The following ST3GAL3 variants were observed in gnomAD, a reference collection of about 807,000 sequenced individuals.
ST3GAL3 encodes the protein CMP-N-acetylneuraminate-beta-1,4-galactoside alpha-2,3-sialyltransferase.
ST3GAL3 carries 21 observed loss-of-function variants against 50.1 expected under a neutral mutation model. The observed-to-expected ratio is 0.42, with a 90% CI of 0.30 to 0.60. The LOEUF (loss-of-function observed/expected upper bound fraction) is 0.60, where lower values mean the gene tolerates loss of function less well. Among genes scored for constraint, ST3GAL3 ranks in the 20% least tolerant of loss-of-function variants. ST3GAL3 has a pLI of 0.19. For missense variants in ST3GAL3, 353 were observed against 489.4 expected, an observed-to-expected ratio of 0.72 and a Z score of 2.63; for synonymous variants, 183 against 190.0, an observed-to-expected ratio of 0.96 and a Z score of 0.30.
chr1:43,856,689 G>A (rs2068449443), intron 5 of ST3GAL3, among the ~76,000 whole-genome samples: 3 of 152,172 alleles, frequency 2.0e-5, no homozygotes. Flanking sequence ...TGCCATTTGT[G>A]TCCTCTCCTT....
chr1:43,863,346 T>A lies in ST3GAL3; in HGVS notation c.302+25035T>A, dbSNP rs533341487. Among the ~76,000 whole-genome samples, 3 of 152,252 alleles carry A rather than the reference T, an allele frequency of 2.0e-5. No homozygotes were observed. In the South Asian group the frequency reaches 6.2e-4, roughly 32 times the overall value. On this transcript the variant is annotated intron_variant, in intron 5 of 11. Coordinates refer to ENST00000347631, the MANE Select transcript of ST3GAL3 (RefSeq NM_006279.5). ...CTCCAGGCTGAAGGCAGTCACACAG[T>A]AGCTGTGCGGGCTGTGGCAAGAATG... is the stretch of plus-strand genomic sequence containing the variant.
intron 4 of ST3GAL3, among the ~76,000 whole-genome samples, chr1:43,818,262 T>C (rs2061662056): frequency 6.6e-6 from 1 of 152,188 alleles, no homozygotes; most frequent in South Asian, 2.1e-4. Flanking sequence ...AAACTAGAAC[T>C]ATTAATAAAC....
chr1:43,797,345 GC>G (rs1457923276), intron 3 of ST3GAL3, among the ~76,000 whole-genome samples: 1 of 152,140 alleles, frequency 6.6e-6, no homozygotes, highest in Non-Finnish European at 1.5e-5. Flanking sequence ...GTTGAACAGA[GC>G]CTAGTGACTT....
chr1:43,838,351 G>A (rs778976224), intron 5 of ST3GAL3, 40 bp downstream of exon 5: 1 of 1,583,770 alleles, frequency 6.3e-7, no homozygotes, highest in East Asian at 2.2e-5. Flanking sequence ...AGACAGCCTG[G>A]TCTGGGGTCC....
chr1:43,761,304 A>C lies in ST3GAL3; in HGVS notation c.118+24924A>C, dbSNP rs140359954. Among the ~76,000 whole-genome samples the C allele has an allele frequency of 2.7e-3, 387 of 143,698 alleles. 2 individuals are homozygous for C. Among genetic ancestry groups the C allele is most frequent in the African/African-American group, 9.0e-3 (366 of 40,672 alleles). 94.3% of individuals were successfully genotyped at this position (143,698 alleles called of 152,430 possible). ...TTCAAAATTTAAGTAGCTAACTGTA[A>C]AAAGATTTTTTTTTTTTTAGATAAT... On this transcript the variant is annotated intron_variant, in intron 2 of 11. Transcript: ENST00000347631.
At chr1:43,726,528 C>T (rs1672998468) in intron 1 of ST3GAL3, among the ~76,000 whole-genome samples, 1 of 152,138 alleles carries the variant, frequency 6.6e-6, no homozygotes, top group African/African-American at 2.4e-5. Flanking sequence ...CTCATGTGAT[C>T]CTCCTACCTT....
intron 2 of ST3GAL3, among the ~76,000 whole-genome samples, chr1:43,769,908 T>C (rs1297015485): frequency 1.3e-5 from 2 of 152,180 alleles, no homozygotes; most frequent in East Asian, 1.9e-4. Context: ...GAATAAAGTC[T>C]GGCAAATGGT....
At chr1:43,844,539 C>T (rs1558547464) in intron 5 of ST3GAL3, among the ~76,000 whole-genome samples, 2 of 152,254 alleles carry the variant, frequency 1.3e-5, no homozygotes, top group East Asian at 1.9e-4. Flanking sequence ...TGGCCGGGCA[C>T]GGTGGCTTAC....
intron 9 of ST3GAL3, among the ~76,000 whole-genome samples, chr1:43,905,058 TTCC>T (rs1480296338): frequency 9.5e-4 from 84 of 88,726 alleles, no homozygotes; most frequent in Non-Finnish European, 1.5e-3. Flanking sequence ...CCCACCACTC[TTCC>T]TCCTCCTCCC....
intron 5 of ST3GAL3, among the ~76,000 whole-genome samples, chr1:43,870,302 G>A (rs2072367233): frequency 6.6e-6 from 1 of 152,248 alleles, no homozygotes; most frequent in Admixed American, 6.5e-5. Context: ...CTGCCAATAT[G>A]TAAGCCCTGT....
chr1:43,796,451 A>C (rs1454176672), intron 3 of ST3GAL3, among the ~76,000 whole-genome samples: 2 of 152,180 alleles, frequency 1.3e-5, no homozygotes, highest in Non-Finnish European at 2.9e-5. Flanking sequence ...ACAACATACC[A>C]AAGACTTTCA....
chr1:43,854,826 C>T (rs2068028038), intron 5 of ST3GAL3, among the ~76,000 whole-genome samples: 2 of 152,162 alleles, frequency 1.3e-5, no homozygotes, highest in African/African-American at 4.8e-5. Context: ...ATTCTTTTCC[C>T]TTCCCCTCTT....
intron 5 of ST3GAL3, chr1:43,851,396 G>A (rs2067277411): frequency 1.1e-5 from 17 of 1,608,998 alleles, no homozygotes; most frequent in South Asian, 3.3e-5. Flanking sequence ...AAGGCTGGAC[G>A]TTGACCCCCC....
intron 1 of ST3GAL3, chr1:43,709,553 A>G (rs191602204): frequency 6.6e-6 from 1 of 151,686 alleles, no homozygotes; most frequent in East Asian, 1.9e-4. Flanking sequence ...ATTAAAAAAA[A>G]TTTTTTTTGT....
intron 9 of ST3GAL3, among the ~76,000 whole-genome samples, chr1:43,904,411 C>G (rs2078796969): frequency 6.6e-6 from 1 of 152,042 alleles, no homozygotes; most frequent in Non-Finnish European, 1.5e-5. Context: ...TCTCACCAAG[C>G]CTCTGAGACC....
At chr1:43,777,772 T>C (rs766962241) in intron 2 of ST3GAL3, among the ~76,000 whole-genome samples, 3 of 152,132 alleles carry the variant, frequency 2.0e-5, no homozygotes, top group Non-Finnish European at 4.4e-5. Flanking sequence ...CTAATTAAAC[T>C]AAAGAATTTT....
intron 1 of ST3GAL3, among the ~76,000 whole-genome samples, chr1:43,730,839 G>A (rs990716033): frequency 5.3e-5 from 8 of 151,664 alleles, no homozygotes; most frequent in African/African-American, 1.9e-4. Context: ...GAACCACCAT[G>A]CCTAGCCATC....
chr1:43,915,406 C>T (rs1051329764), intron 9 of ST3GAL3, among the ~76,000 whole-genome samples: 3 of 152,208 alleles, frequency 2.0e-5, no homozygotes, highest in Admixed American at 6.5e-5. Context: ...AAGCTAAATA[C>T]GCGTGATGTC....
chr1:43,751,978 C>T (rs1363754147), intron 2 of ST3GAL3, among the ~76,000 whole-genome samples: 26 of 152,004 alleles, frequency 1.7e-4, no homozygotes, highest in Admixed American at 1.2e-3. Context: ...CTACCACACC[C>T]GACTAATTTT....
Sources: allele counts gnomAD v4.1 joint callset (sites outside exome capture counted in the v4.1 genomes callset), GRCh38; gene constraint gnomAD v4.1.1; transcripts MANE v1.5; gene names NCBI Gene and HGNC (gene_info 2026-07-23, HGNC 2026-07-21).